Variants in NALF1 observed in about 807,000 individuals in gnomAD.
NALF1 encodes the protein family with sequence similarity 155 member A.
NALF1 carries 3 observed loss-of-function variants against 48.4 expected under a neutral mutation model. The observed-to-expected ratio is 0.06, with a 90% CI of 0.03 to 0.16. The LOEUF (loss-of-function observed/expected upper bound fraction) is 0.16, where lower values mean the gene tolerates loss of function less well. Ranked by LOEUF, NALF1 falls within the 10% of genes least tolerant of loss-of-function variation. The pLI, the probability that NALF1 is intolerant of heterozygous loss-of-function variation, is 1.00. For synonymous variants in NALF1, 262 were observed against 245.7 expected, an observed-to-expected ratio of 1.07 and a Z score of -0.62; for missense variants, 526 against 571.5, an observed-to-expected ratio of 0.92 and a Z score of 0.81.
At chr13:107,398,984 G>A (rs571386334) in intron 1 of NALF1, among the ~76,000 whole-genome samples, 1 of 152,282 alleles carries the variant, frequency 6.6e-6, no homozygotes, top group African/African-American at 2.4e-5. Context: ...GCTTAAAAAT[G>A]TTCATTCTCC....
intron 1 of NALF1, among the ~76,000 whole-genome samples, chr13:107,685,172 G>A (rs1451414343): frequency 6.6e-6 from 1 of 152,140 alleles, no homozygotes; most frequent in Non-Finnish European, 1.5e-5. Context: ...AAATTAGCCA[G>A]GCGTGGTGGC....
At chr13:107,205,379 C>G (rs1487706700) in intron 2 of NALF1, among the ~76,000 whole-genome samples, 4 of 152,068 alleles carry the variant, frequency 2.6e-5, no homozygotes, top group Non-Finnish European at 5.9e-5. Context: ...AAAAAAAAAT[C>G]CTTCGAATGT....
In NALF1 at chr13:107,536,797, C is replaced by T. The variant is rs572481042; in HGVS notation, c.916-326042G>A. Reference sequence around the variant, plus strand: ...ATGCACACGTATGTTTACTGCAGCACTATTCACAATAGCAAAGACTTGGAA... The same window carrying T: ...ATGCACACGTATGTTTACTGCAGCATTATTCACAATAGCAAAGACTTGGAA... On this transcript the variant is annotated intron_variant, in intron 1 of 2. Coordinates refer to ENST00000375915, the MANE Select transcript of NALF1 (RefSeq NM_001080396.3). Among the ~76,000 whole-genome samples the T allele has an allele frequency of 5.9e-5, 9 of 152,246 alleles. No homozygotes were observed. In the South Asian group the frequency reaches 1.7e-3, roughly 28 times the overall value.
intron 1 of NALF1, among the ~76,000 whole-genome samples, chr13:107,521,944 C>T (rs1303246142): frequency 1.3e-5 from 2 of 148,724 alleles, no homozygotes; most frequent in African/African-American, 4.9e-5. Flanking sequence ...CACACACATA[C>T]ACACACACAC....
intron 1 of NALF1, among the ~76,000 whole-genome samples, chr13:107,258,459 T>A (rs1880864980): frequency 6.6e-6 from 1 of 152,022 alleles, no homozygotes; most frequent in Non-Finnish European, 1.5e-5. Context: ...GGCCTCTGAG[T>A]CAAAAGTTCA....
intron 1 of NALF1, among the ~76,000 whole-genome samples, chr13:107,296,389 CT>C (rs1881728059): frequency 1.3e-5 from 2 of 152,038 alleles, no homozygotes; most frequent in African/African-American, 4.8e-5. Context: ...GTGGGACTAA[CT>C]TTTTAAAGAA....
intron 1 of NALF1, among the ~76,000 whole-genome samples, chr13:107,778,773 C>T (rs1220860026): frequency 6.6e-6 from 1 of 152,046 alleles, no homozygotes; most frequent in Non-Finnish European, 1.5e-5. Flanking sequence ...TCTTCCCTCC[C>T]CACTCATTCA....
intron 1 of NALF1, among the ~76,000 whole-genome samples, chr13:107,676,153 T>A (rs1256418685): frequency 6.6e-6 from 1 of 152,168 alleles, no homozygotes; most frequent in Non-Finnish European, 1.5e-5. Flanking sequence ...TTCCTTCCCT[T>A]GAAAAGAGTA....
intron 1 of NALF1, among the ~76,000 whole-genome samples, chr13:107,256,258 C>T (rs1030098140): frequency 1.3e-5 from 2 of 152,178 alleles, no homozygotes; most frequent in African/African-American, 4.8e-5. Context: ...CTAGGCATTG[C>T]TGTACAGTGG....
At chr13:107,782,760 T>G (rs1877936372) in intron 1 of NALF1, among the ~76,000 whole-genome samples, 2 of 135,526 alleles carry the variant, frequency 1.5e-5, no homozygotes, top group African/African-American at 2.8e-5. Context: ...GTCTGGGAGG[T>G]GAGGAGCGTC....
chr13:107,273,932 G>A (rs1881225739), intron 1 of NALF1, among the ~76,000 whole-genome samples: 1 of 152,066 alleles, frequency 6.6e-6, no homozygotes, highest in East Asian at 1.9e-4. Flanking sequence ...CTGGGGAGAG[G>A]AATCGTCATG....
intron 1 of NALF1, among the ~76,000 whole-genome samples, chr13:107,548,118 C>A (rs1197480893): frequency 6.6e-6 from 1 of 152,004 alleles, no homozygotes; most frequent in African/African-American, 2.4e-5. Context: ...TGCTTCTCTC[C>A]CTCCTCCCAC....
chr13:107,537,347 T>C (rs539670964), intron 1 of NALF1, among the ~76,000 whole-genome samples: 57 of 152,314 alleles, frequency 3.7e-4, no homozygotes, highest in Middle Eastern at 3.4e-3. Context: ...AACTGAGATG[T>C]AATATTTGAT....
intron 1 of NALF1, among the ~76,000 whole-genome samples, chr13:107,475,930 T>C (rs1035424687): frequency 1.1e-4 from 17 of 152,054 alleles, no homozygotes; most frequent in African/African-American, 3.9e-4. Context: ...AGGAGAGTTA[T>C]AAATAGTAAG....
intron 1 of NALF1, among the ~76,000 whole-genome samples, chr13:107,517,074 ATT>A (rs1276172673): frequency 6.6e-6 from 1 of 152,036 alleles, no homozygotes; most frequent in Non-Finnish European, 1.5e-5. Flanking sequence ...CTTCCTCATT[ATT>A]TATTTTCTTA....
At chr13:107,291,983 A>ACTGT (rs1239173229) in intron 1 of NALF1, among the ~76,000 whole-genome samples, 1 of 152,222 alleles carries the variant, frequency 6.6e-6, no homozygotes, top group African/African-American at 2.4e-5. Flanking sequence ...GCTCCTATTG[A>ACTGT]TACACAGTCA....
chr13:107,568,153 A>C (rs1877871894), intron 1 of NALF1, among the ~76,000 whole-genome samples: 1 of 151,876 alleles, frequency 6.6e-6, no homozygotes, highest in African/African-American at 2.4e-5. Context: ...AATTTATTTT[A>C]ATTTTTTCGT....
At chr13:107,757,920 AG>A (rs1877158264) in intron 1 of NALF1, among the ~76,000 whole-genome samples, 4 of 152,216 alleles carry the variant, frequency 2.6e-5, no homozygotes, top group Admixed American at 1.3e-4. Flanking sequence ...ATTATCAATA[AG>A]CTTTTATTTT....
At chr13:107,705,044 T>A (rs1275966971) in intron 1 of NALF1, among the ~76,000 whole-genome samples, 1 of 152,200 alleles carries the variant, frequency 6.6e-6, no homozygotes, top group African/African-American at 2.4e-5. Flanking sequence ...TTTAAATACA[T>A]TCTCTCATTT....
Sources: gnomAD v4.1 joint callset for allele counts (sites outside exome capture counted in the v4.1 genomes callset) on GRCh38, gnomAD v4.1.1 for gene constraint, MANE v1.5 for transcripts, NCBI Gene and HGNC (gene_info 2026-07-23, HGNC 2026-07-21) for gene names.